ABHD17B: variants seen among roughly 807,000 people sequenced by gnomAD.
The protein encoded by ABHD17B is abhydrolase domain containing 17B, depalmitoylase.
In ABHD17B, 9 loss-of-function variants were observed where a neutral mutation model predicts 26.2. The observed-to-expected ratio is 0.34, with a 90% CI of 0.21 to 0.60. The LOEUF (loss-of-function observed/expected upper bound fraction) is 0.60. Ranked by LOEUF, ABHD17B falls within the 20% of genes least tolerant of loss-of-function variation. The pLI, the probability that ABHD17B is intolerant of heterozygous loss-of-function variation, is 0.80. For missense variants in ABHD17B, 224 were observed against 352.1 expected (o/e 0.64, Z 2.91); for synonymous variants, 127 against 122.3 (o/e 1.04, Z -0.25).
intron 2 of ABHD17B, among the ~76,000 whole-genome samples, chr9:71,871,679 A>G (rs1826118852): frequency 6.6e-6 from 1 of 152,202 alleles, no homozygotes; most frequent in Non-Finnish European, 1.5e-5. Context: ...CAACTGCCTA[A>G]CAGTATGAGC....
intron 1 of ABHD17B, among the ~76,000 whole-genome samples, chr9:71,907,949 T>C (rs1233011889): frequency 3.3e-5 from 5 of 152,232 alleles, no homozygotes; most frequent in African/African-American, 1.2e-4. Flanking sequence ...CTCTTGGGCA[T>C]GAACAGGTGT....
At chr9:71,883,039 AG>A (rs1205208182) in intron 1 of ABHD17B, among the ~76,000 whole-genome samples, 7 of 148,848 alleles carry the variant, frequency 4.7e-5, no homozygotes, top group African/African-American at 1.7e-4. Context: ...AGCTACTCAG[AG>A]GCTGAGGCAG....
chr9:71,866,445 A>G lies in ABHD17B; in HGVS notation c.*342T>C, dbSNP rs1015415559. 5.0e-6 allele frequency: 5 copies of G among 1,004,826 alleles called. No homozygotes were observed. The highest frequency in any genetic ancestry group is 1.7e-5 in the African/African-American group (1 of 57,878). The allele number at this position is 1,004,826 out of a possible 1,614,324, so 62.2% of individuals were successfully genotyped here. On this transcript the variant is annotated 3_prime_UTR_variant, in exon 4 of 4. Transcript: ENST00000333421. The stretch of plus-strand genomic sequence containing the variant: ...AAGATTTAATATATTGAGATGTTTT[A>G]AAAATATTTATAAATTTGTTTCTAG...
chr9:71,897,244 A>G (rs992949932), intron 1 of ABHD17B, among the ~76,000 whole-genome samples: 4 of 152,232 alleles, frequency 2.6e-5, no homozygotes, highest in African/African-American at 9.6e-5. Flanking sequence ...CACGAGATAT[A>G]AAGTCATTCT....
At chr9:71,893,590 TA>T (rs1246302563) in intron 1 of ABHD17B, among the ~76,000 whole-genome samples, 3 of 152,216 alleles carry the variant, frequency 2.0e-5, no homozygotes, top group Non-Finnish European at 4.4e-5. Context: ...TTTGGATTTT[TA>T]TGGAAGCTTT....
chr9:71,877,667 C>T (rs187127239), intron 1 of ABHD17B, among the ~76,000 whole-genome samples: 1 of 152,348 alleles, frequency 6.6e-6, no homozygotes, highest in African/African-American at 2.4e-5. Flanking sequence ...ATCTGCCTGC[C>T]TTGGCCTCCC....
chr9:71,870,304 G>A, intron 2 of ABHD17B, 42 bp from the exon 3 acceptor site: 1 of 1,515,854 alleles, frequency 6.6e-7, no homozygotes, highest in Non-Finnish European at 8.9e-7. Flanking sequence ...AAAAAAGTTG[G>A]AGTGATATGA....
chr9:71,888,008 G>A (rs1293362803), intron 1 of ABHD17B, among the ~76,000 whole-genome samples: 1 of 152,186 alleles, frequency 6.6e-6, no homozygotes, highest in Non-Finnish European at 1.5e-5. Flanking sequence ...TTCCTTGTAA[G>A]CTGAAGTTGC....
At chr9:71,892,532 CA>C (rs1031430224) in intron 1 of ABHD17B, among the ~76,000 whole-genome samples, 1 of 145,054 alleles carries the variant, frequency 6.9e-6, no homozygotes, top group South Asian at 2.2e-4. Context: ...GACTCCCTCT[CA>C]AAAAAAAACA....
At chr9:71,899,136 A>G (rs564346045) in intron 1 of ABHD17B, among the ~76,000 whole-genome samples, 30 of 152,236 alleles carry the variant, frequency 2.0e-4, no homozygotes, top group South Asian at 8.3e-4. Context: ...AAAAAAAAAA[A>G]AGAGAGCTGA....
chr9:71,885,811 G>GA lies in ABHD17B; in HGVS notation c.-3-10729dup, dbSNP rs34883820. 9.1e-3 allele frequency among the ~76,000 whole-genome samples: 1,387 copies of GA among 151,914 alleles called. 21 individuals are homozygous for GA. Among genetic ancestry groups the GA allele is most frequent in the African/African-American group, 0.031 (1,280 of 41,444 alleles). On this transcript the variant is annotated intron_variant, in intron 1 of 3. Coordinates refer to ENST00000333421, the MANE Select transcript of ABHD17B (RefSeq NM_001025780.3). ...TTGACATAATAACAATTTACTAGGG[G>GA]AAAAAAAATCTCCTTTTGATCTCCT...
chr9:71,906,588 A>T (rs1303672155), intron 1 of ABHD17B, among the ~76,000 whole-genome samples: 1 of 152,032 alleles, frequency 6.6e-6, no homozygotes, highest in Non-Finnish European at 1.5e-5. Flanking sequence ...GATACTGAGG[A>T]GGGAGGATCA....
chr9:71,908,916 G>T (rs1432236327), intron 1 of ABHD17B, among the ~76,000 whole-genome samples: 1 of 152,166 alleles, frequency 6.6e-6, no homozygotes, highest in African/African-American at 2.4e-5. Flanking sequence ...TCAGATGTGG[G>T]ATAGCGTGCC....
At chr9:71,881,945 T>C (rs1050920131) in intron 1 of ABHD17B, among the ~76,000 whole-genome samples, 1 of 145,982 alleles carries the variant, frequency 6.9e-6, no homozygotes, top group African/African-American at 2.5e-5. Context: ...ACCCAATTAA[T>C]AGACAAAGGG....
chr9:71,865,343 AC>A lies in ABHD17B; in HGVS notation c.*1443del. 1.0e-6 allele frequency: 1 copy of A among 983,574 alleles called. No individual in the cohort carries two copies. Among genetic ancestry groups the A allele is most frequent in the Non-Finnish European group, 1.2e-6 (1 of 827,854 alleles). 60.9% of individuals were successfully genotyped at this position (983,574 alleles called of 1,614,324 possible). A position where few individuals can be genotyped will look rare whatever the true frequency, so the allele number is the denominator to read the frequency against. ...GTATTATTTCCATATTCATTCATTT[AC>A]AAATTAGACTACATACCATTAATTT... is the stretch of plus-strand genomic sequence containing the variant. On this transcript the variant is annotated 3_prime_UTR_variant, in exon 4 of 4. Coordinates refer to ENST00000333421, the MANE Select transcript of ABHD17B (RefSeq NM_001025780.3).
intron 1 of ABHD17B, among the ~76,000 whole-genome samples, chr9:71,895,136 T>A (rs1826918115): frequency 2.6e-5 from 4 of 152,230 alleles, no homozygotes; most frequent in Non-Finnish European, 5.9e-5. Flanking sequence ...TAGTGTTAAT[T>A]TACCAAAACA....
downstream of ABHD17B, among the ~76,000 whole-genome samples, chr9:71,864,691 A>G (rs1825907085): frequency 6.6e-6 from 1 of 151,966 alleles, no homozygotes; most frequent in African/African-American, 2.4e-5. Context: ...CCTGCTCCCT[A>G]TGTTCCCCTC....
intron 1 of ABHD17B, among the ~76,000 whole-genome samples, chr9:71,908,364 C>T (rs549117610): frequency 3.5e-4 from 52 of 148,504 alleles, no homozygotes; most frequent in African/African-American, 1.3e-3. Context: ...TGCACGCCAG[C>T]CTGGGCAACA....
chr9:71,876,401 G>A lies in ABHD17B; in HGVS notation c.-3-1318C>T, dbSNP rs184556080. Among the ~76,000 whole-genome samples the A allele has an allele frequency of 1.5e-4, 23 of 152,214 alleles. No individual in the cohort carries two copies. In the East Asian group the frequency reaches 3.3e-3, roughly 22 times the overall value. On this transcript the variant is annotated intron_variant, in intron 1 of 3. Coordinates refer to ENST00000333421, the MANE Select transcript of ABHD17B (RefSeq NM_001025780.3). Reference sequence around the variant, plus strand: ...AGTGAAGGCCCATCATACAACATACGGTGAGTGATGGCCATATCATTGTCA... The same window carrying A: ...AGTGAAGGCCCATCATACAACATACAGTGAGTGATGGCCATATCATTGTCA...
Sources: gnomAD v4.1 joint callset for allele counts (sites outside exome capture counted in the v4.1 genomes callset) on GRCh38, gnomAD v4.1.1 for gene constraint, MANE v1.5 for transcripts, NCBI Gene and HGNC (gene_info 2026-07-23, HGNC 2026-07-21) for gene names.